The following PTPRD variants were observed in gnomAD, a reference collection of about 807,000 sequenced individuals.
PTPRD encodes the protein receptor-type tyrosine-protein phosphatase delta.
In PTPRD, 34 loss-of-function variants were observed where a neutral mutation model predicts 214.5. The observed-to-expected ratio is 0.16, with a 90% CI of 0.12 to 0.21. The LOEUF (loss-of-function observed/expected upper bound fraction) is 0.21, where lower values mean the gene tolerates loss of function less well. PTPRD is among the 10% of genes least tolerant of loss of function. The pLI is 1.00. For synonymous variants in PTPRD, 1,128 were observed against 845.7 expected (o/e 1.33, Z -5.79); for missense variants, 2,545 against 2,398.7 (o/e 1.06, Z -1.27).
At chr9:8,853,885 G>A (rs1223972199) in intron 11 of PTPRD, among the ~76,000 whole-genome samples, 1 of 152,014 alleles carries the variant, frequency 6.6e-6, no homozygotes, top group Non-Finnish European at 1.5e-5. Flanking sequence ...GTAGAAAGAT[G>A]AAATAACAAC....
chr9:8,451,877 A>G (rs780767773), intron 33 of PTPRD: 6 of 499,968 alleles, frequency 1.2e-5, no homozygotes, highest in Middle Eastern at 6.4e-4. Context: ...TATCTGGGCA[A>G]GAAAACTACT....
At chr9:8,735,149 TC>T (rs1382908125) in intron 11 of PTPRD, among the ~76,000 whole-genome samples, 2,678 of 138,766 alleles carry the variant, frequency 0.019, 52 homozygotes, top group Middle Eastern at 0.029. Context: ...TTTTTTTTTT[TC>T]TGTTTTTTTT....
intron 35 of PTPRD, among the ~76,000 whole-genome samples, chr9:8,412,506 T>C (rs541628000): frequency 6.6e-6 from 1 of 152,296 alleles, no homozygotes; most frequent in East Asian, 1.9e-4. Context: ...AATGCATTAA[T>C]TCCTCACTGC....
chr9:9,696,136 C>T (rs1380252706), intron 7 of PTPRD, among the ~76,000 whole-genome samples: 1 of 151,996 alleles, frequency 6.6e-6, no homozygotes, highest in African/African-American at 2.4e-5. Flanking sequence ...TATATGTGCC[C>T]ATGAATATAT....
intron 7 of PTPRD, among the ~76,000 whole-genome samples, chr9:9,688,041 C>T (rs1332310119): frequency 6.6e-6 from 1 of 151,740 alleles, no homozygotes; most frequent in Non-Finnish European, 1.5e-5. Context: ...CACTCTCTTT[C>T]CTTTCTTTCT....
chr9:9,504,381 C>G (rs945705463), intron 8 of PTPRD, among the ~76,000 whole-genome samples: 9 of 151,618 alleles, frequency 5.9e-5, no homozygotes, highest in Non-Finnish European at 8.9e-5. Context: ...ATTCTTATGG[C>G]TTATGATGAC....
chr9:8,757,106 C>T (rs570199885), intron 11 of PTPRD, among the ~76,000 whole-genome samples: 35 of 152,312 alleles, frequency 2.3e-4, no homozygotes, highest in African/African-American at 7.9e-4. Context: ...CGTGCCAGTG[C>T]ACTCCAGCGT....
intron 3 of PTPRD, among the ~76,000 whole-genome samples, chr9:10,156,856 C>T (rs2099096579): frequency 6.6e-6 from 1 of 152,174 alleles, no homozygotes; most frequent in South Asian, 2.1e-4. Flanking sequence ...GTTAGGTCTT[C>T]TCTTGAATTG....
chr9:10,451,489 G>A (rs540886907), intron 2 of PTPRD, among the ~76,000 whole-genome samples: 30 of 151,452 alleles, frequency 2.0e-4, no homozygotes, highest in East Asian at 3.9e-4. Flanking sequence ...TTTGAATCTT[G>A]GTCCTTTCTA....
At chr9:8,592,014 G>C (rs60317704) in intron 14 of PTPRD, among the ~76,000 whole-genome samples, 6,068 of 152,108 alleles carry the variant, frequency 0.04, 246 homozygotes, top group African/African-American at 0.11. Flanking sequence ...CCTTGTAATC[G>C]CATATATTTA....
At chr9:8,323,247 C>G (rs1464851331) in intron 44 of PTPRD, among the ~76,000 whole-genome samples, 2 of 152,106 alleles carry the variant, frequency 1.3e-5, no homozygotes, top group Non-Finnish European at 2.9e-5. Context: ...CCCAAGAGCT[C>G]TGGTGGAATG....
At chr9:8,980,704 T>C (rs945342459) in intron 11 of PTPRD, among the ~76,000 whole-genome samples, 2 of 152,076 alleles carry the variant, frequency 1.3e-5, no homozygotes, top group Admixed American at 6.6e-5. Flanking sequence ...AACAATGTGA[T>C]CATAAATATA....
intron 11 of PTPRD, among the ~76,000 whole-genome samples, chr9:8,734,808 G>A (rs1221882182): frequency 6.6e-6 from 1 of 152,170 alleles, no homozygotes; most frequent in African/African-American, 2.4e-5. Flanking sequence ...ATTAGCGCCA[G>A]GAAGGAAAAC....
chr9:10,468,787 T>C (rs187666576), intron 2 of PTPRD, among the ~76,000 whole-genome samples: 10 of 152,262 alleles, frequency 6.6e-5, no homozygotes, highest in Admixed American at 6.5e-4. Flanking sequence ...TAAGGTATTA[T>C]GAGCAAAAAT....
At chr9:8,897,057 C>T (rs979807343) in intron 11 of PTPRD, among the ~76,000 whole-genome samples, 5 of 152,158 alleles carry the variant, frequency 3.3e-5, no homozygotes, top group African/African-American at 4.8e-5. Context: ...CTGTGAAATA[C>T]ATCAGGATAA....
intron 9 of PTPRD, among the ~76,000 whole-genome samples, chr9:9,295,475 G>A (rs548244679): frequency 6.6e-6 from 1 of 151,608 alleles, no homozygotes; most frequent in South Asian, 2.1e-4. Context: ...GGTAGTTGTT[G>A]AGGAGAAAAC....
chr9:9,123,729 A>G (rs2099819826), intron 10 of PTPRD, among the ~76,000 whole-genome samples: 1 of 152,204 alleles, frequency 6.6e-6, no homozygotes, highest in African/African-American at 2.4e-5. Flanking sequence ...AAATTATACG[A>G]GAAAATATTT....
chr9:8,558,667 T>C (rs1466426794), intron 14 of PTPRD, among the ~76,000 whole-genome samples: 2 of 152,160 alleles, frequency 1.3e-5, no homozygotes, highest in Non-Finnish European at 2.9e-5. Context: ...GTACAAACCG[T>C]TATCTAATAA....
At chr9:10,117,434 A>T (rs566368889) in intron 3 of PTPRD, among the ~76,000 whole-genome samples, 1 of 152,218 alleles carries the variant, frequency 6.6e-6, no homozygotes, top group East Asian at 1.9e-4. Flanking sequence ...TTATTCTGTC[A>T]CAGTTCTGGA....
Sources: allele counts gnomAD v4.1 joint callset (sites outside exome capture counted in the v4.1 genomes callset), GRCh38; gene constraint gnomAD v4.1.1; transcripts MANE v1.5; gene names NCBI Gene and HGNC (gene_info 2026-07-23, HGNC 2026-07-21).